Variants in KCNIP4 observed in about 807,000 individuals in gnomAD.
KCNIP4 encodes the protein potassium voltage-gated channel interacting protein 4, also known as Kv channel-interacting protein 4.
A neutral mutation model predicts 34.0 loss-of-function variants in KCNIP4; 12 were observed. The observed-to-expected ratio is 0.35, with a 90% CI of 0.23 to 0.57. The LOEUF is 0.57. Ranked by LOEUF, KCNIP4 falls within the 20% of genes least tolerant of loss-of-function variation. KCNIP4 has a pLI of 0.83. For synonymous variants in KCNIP4, 124 were observed against 102.2 expected, an observed-to-expected ratio of 1.21 and a Z score of -1.29; for missense variants, 238 against 311.7, an observed-to-expected ratio of 0.76 and a Z score of 1.78.
chr4:20,769,547 C>T (rs142623418), intron 3 of KCNIP4, among the ~76,000 whole-genome samples: 1 of 152,286 alleles, frequency 6.6e-6, no homozygotes, highest in African/African-American at 2.4e-5. Flanking sequence ...TGCCCTGGGA[C>T]AAAGCCTATG....
chr4:21,125,679 TGG>T (rs1750556419), intron 1 of KCNIP4, among the ~76,000 whole-genome samples: 1 of 152,140 alleles, frequency 6.6e-6, no homozygotes, highest in African/African-American at 2.4e-5. Context: ...AGCTAAAGGA[TGG>T]CAATGAGACT....
At chr4:21,870,108 C>CT (rs1725698258) in intron 1 of KCNIP4, among the ~76,000 whole-genome samples, 1 of 152,082 alleles carries the variant, frequency 6.6e-6, no homozygotes, top group Admixed American at 6.6e-5. Context: ...GCCCAGTGGA[C>CT]TCTAGGTCCC....
intron 1 of KCNIP4, among the ~76,000 whole-genome samples, chr4:21,119,723 GT>G (rs77711688): frequency 0.15 from 21,620 of 149,038 alleles, 1,732 homozygotes; most frequent in East Asian, 0.23. Context: ...TAGTAAGACA[GT>G]TTTTTTTTTC....
At chr4:21,678,645 G>A (rs1175323881) in intron 1 of KCNIP4, among the ~76,000 whole-genome samples, 1 of 152,156 alleles carries the variant, frequency 6.6e-6, no homozygotes, top group East Asian at 1.9e-4. Context: ...AACACAGCCT[G>A]CCTTGTGACT....
intron 1 of KCNIP4, among the ~76,000 whole-genome samples, chr4:21,512,208 G>T (rs1194198991): frequency 6.7e-6 from 1 of 149,476 alleles, no homozygotes; most frequent in Non-Finnish European, 1.5e-5. Context: ...AACGAAGGAA[G>T]GAAGGAAGGA....
At chr4:21,808,478 G>A (rs927679881) in intron 1 of KCNIP4, among the ~76,000 whole-genome samples, 11 of 151,844 alleles carry the variant, frequency 7.2e-5, no homozygotes, top group Non-Finnish European at 4.4e-5. Context: ...TTACTTCATT[G>A]TAAGAATACA....
intron 1 of KCNIP4, among the ~76,000 whole-genome samples, chr4:21,247,752 ATATATATACACCCCACAGGTGTTTTT>A (rs1388154126): frequency 1.4e-4 from 18 of 129,096 alleles, no homozygotes; most frequent in African/African-American, 5.7e-4. Context: ...ATATATATAT[ATATATATACACCCCACAGGTGTTTTT>A]TATATATATA....
intron 1 of KCNIP4, among the ~76,000 whole-genome samples, chr4:21,432,596 C>G (rs1726590556): frequency 6.6e-6 from 1 of 151,974 alleles, no homozygotes; most frequent in African/African-American, 2.4e-5. Flanking sequence ...AGACCAGTAC[C>G]AAAGGCGAAG....
At chr4:20,936,565 A>T (rs1577394610) in intron 1 of KCNIP4, among the ~76,000 whole-genome samples, 2 of 115,626 alleles carry the variant, frequency 1.7e-5, no homozygotes, top group Admixed American at 8.0e-5. Context: ...AGTAGGTATT[A>T]AAAAAAATTC....
chr4:21,505,411 T>G (rs1000025886), intron 1 of KCNIP4, among the ~76,000 whole-genome samples: 1 of 152,182 alleles, frequency 6.6e-6, no homozygotes, highest in Non-Finnish European at 1.5e-5. Context: ...AATACCCTTA[T>G]GTATCCCAAC....
At chr4:20,872,948 A>C (rs1406239739) in intron 2 of KCNIP4, among the ~76,000 whole-genome samples, 1 of 152,170 alleles carries the variant, frequency 6.6e-6, no homozygotes, top group Non-Finnish European at 1.5e-5. Flanking sequence ...TCTCTCCCTA[A>C]CTGACCTTCA....
At chr4:21,319,096 C>A (rs1005101112) in intron 1 of KCNIP4, among the ~76,000 whole-genome samples, 1 of 152,136 alleles carries the variant, frequency 6.6e-6, no homozygotes, top group Non-Finnish European at 1.5e-5. Flanking sequence ...ATACATTCAA[C>A]GAGGCGCGAA....
chr4:21,588,815 T>C (rs868270944), intron 1 of KCNIP4, among the ~76,000 whole-genome samples: 1 of 151,590 alleles, frequency 6.6e-6, no homozygotes, highest in Admixed American at 6.6e-5. Flanking sequence ...CTATTTTTTT[T>C]GTATATCATA....
chr4:20,987,011 C>T (rs1024592621), intron 1 of KCNIP4, among the ~76,000 whole-genome samples: 3 of 152,140 alleles, frequency 2.0e-5, no homozygotes, highest in Non-Finnish European at 4.4e-5. Context: ...CATGCACCCC[C>T]AGCTGTGAGA....
intron 1 of KCNIP4, among the ~76,000 whole-genome samples, chr4:21,365,543 A>C (rs1022402486): frequency 7.5e-6 from 1 of 133,178 alleles, no homozygotes. Context: ...GAAAGAAAAG[A>C]AAAAGAAAAA....
At chr4:21,613,497 C>T (rs1744330197) in intron 1 of KCNIP4, 2 of 152,174 alleles carry the variant, frequency 1.3e-5, no homozygotes, top group African/African-American at 4.8e-5. Flanking sequence ...GATGCAACCT[C>T]ATGAGAGACC....
chr4:21,291,852 TCAAAA>T (rs1381547715), intron 1 of KCNIP4, among the ~76,000 whole-genome samples: 2 of 32,832 alleles, frequency 6.1e-5, no homozygotes, highest in South Asian at 1.3e-3. Context: ...AGACTCCGCC[TCAAAA>T]AAAAAAAAAA....
chr4:21,260,025 T>C (rs1761362942), intron 1 of KCNIP4, among the ~76,000 whole-genome samples: 1 of 152,124 alleles, frequency 6.6e-6, no homozygotes, highest in African/African-American at 2.4e-5. Flanking sequence ...AAGTGACCAA[T>C]TTAAAGCTGA....
chr4:21,027,427 C>T (rs28594783), intron 1 of KCNIP4, among the ~76,000 whole-genome samples: 4,042 of 151,524 alleles, frequency 0.027, 164 homozygotes, highest in African/African-American at 0.092. Flanking sequence ...AGATTAGATA[C>T]GGGGCTGAGG....
Sources: allele counts gnomAD v4.1 joint callset (sites outside exome capture counted in the v4.1 genomes callset), GRCh38; gene constraint gnomAD v4.1.1; transcripts MANE v1.5; gene names NCBI Gene and HGNC (gene_info 2026-07-23, HGNC 2026-07-21).